The following RBM18 variants were observed in gnomAD, a reference collection of about 807,000 sequenced individuals.
RBM18 encodes the protein RNA binding motif protein 18.
A neutral mutation model predicts 26.4 loss-of-function variants in RBM18; 18 were observed. That is an observed-to-expected ratio of 0.68 (90% confidence interval 0.47 to 1.01). The LOEUF (loss-of-function observed/expected upper bound fraction) is 1.01, where lower values mean the gene tolerates loss of function less well. Among genes scored for constraint, RBM18 ranks in the 50% least tolerant of loss-of-function variants. The pLI is 0.00. For missense variants in RBM18, 180 were observed against 219.2 expected (o/e 0.82, Z 1.13); for synonymous variants, 74 against 81.1 (o/e 0.91, Z 0.47).
At chr9:122,255,675 T>C (rs374124210) in intron 2 of RBM18, among the ~76,000 whole-genome samples, 18 of 152,292 alleles carry the variant, frequency 1.2e-4, no homozygotes, top group African/African-American at 4.3e-4. Flanking sequence ...GTCTCCAAGT[T>C]CACTGTCTCT....
At chr9:122,253,231 G>T (rs1831634456) in intron 2 of RBM18, among the ~76,000 whole-genome samples, 1 of 152,124 alleles carries the variant, frequency 6.6e-6, no homozygotes, top group Non-Finnish European at 1.5e-5. Flanking sequence ...TCCTTTGGGA[G>T]GCAGAAAGAT....
chr9:122,248,566 C>A (rs949292735), intron 3 of RBM18, among the ~76,000 whole-genome samples: 7 of 152,186 alleles, frequency 4.6e-5, no homozygotes, highest in African/African-American at 1.7e-4. Flanking sequence ...AATCTATGCA[C>A]CTGGTTTTCA....
intron 1 of RBM18, among the ~76,000 whole-genome samples, chr9:122,263,534 A>C (rs957753763): frequency 1.5e-4 from 23 of 152,246 alleles, no homozygotes; most frequent in African/African-American, 5.5e-4. Context: ...GCAGTGAACA[A>C]GCAAGGTCCC....
intron 2 of RBM18, among the ~76,000 whole-genome samples, chr9:122,253,270 T>C (rs1468742817): frequency 6.6e-6 from 1 of 152,160 alleles, no homozygotes; most frequent in Non-Finnish European, 1.5e-5. Flanking sequence ...TATACTAAAT[T>C]TGATACTAAT....
chr9:122,243,883 A>T (rs1831463202), intron 5 of RBM18: 1 of 984,678 alleles, frequency 1.0e-6, no homozygotes, highest in Non-Finnish European at 1.2e-6. Flanking sequence ...ATAAAAAAAT[A>T]GATGGAAAAC....
At chr9:122,255,194 T>C (rs925159956) in intron 2 of RBM18, among the ~76,000 whole-genome samples, 1 of 152,230 alleles carries the variant, frequency 6.6e-6, no homozygotes, top group African/African-American at 2.4e-5. Context: ...TACTATGAGA[T>C]GGGTCTTTAT....
rs984395962 is a variant in RBM18 at position 122,239,708 on chromosome 9, A to T, written c.*2176T>A. 3 of 152,268 alleles carry T rather than the reference A, an allele frequency of 2.0e-5. No homozygotes were observed. The highest frequency in any genetic ancestry group is 4.4e-5 in the Non-Finnish European group (3 of 68,046). The allele number at this position is 152,268 out of a possible 1,614,324, so 9.4% of individuals were successfully genotyped here. On this transcript the variant is annotated 3_prime_UTR_variant, in exon 6 of 6. Transcript: ENST00000417201. ...TTCTTCTTTTGAAATCTCTACCACG[A>T]GAGACTAAACACAGTACGATACTTG...
chr9:122,242,113 C>T, intron 5 of RBM18, 70 bp from the exon 6 acceptor site: 2 of 1,452,718 alleles, frequency 1.4e-6, no homozygotes, highest in East Asian at 4.6e-5. Flanking sequence ...CAGTTCCTCT[C>T]CTTGAGCCTC....
rs532804636 is a variant in RBM18 at position 122,243,818 on chromosome 9, C to A, written c.413+1438G>T. ...TTTTGTATAAGTCACAGGGAAGCAACCTTCTCTCATTAGGCATAGATGTTA... is the reference window on the plus strand; with the variant it reads ...TTTTGTATAAGTCACAGGGAAGCAAACTTCTCTCATTAGGCATAGATGTTA... On this transcript the variant is annotated intron_variant, in intron 5 of 5. Coordinates refer to ENST00000417201, the MANE Select transcript of RBM18 (RefSeq NM_033117.4). 6.0e-5 allele frequency: 59 copies of A among 985,090 alleles called. 1 individual carries two copies. In the African/African-American group the frequency reaches 1.0e-3, roughly 17 times the overall value. 61.0% of individuals were successfully genotyped at this position (985,090 alleles called of 1,614,324 possible).
chr9:122,261,315 CTT>C, intron 2 of RBM18, 63 bp downstream of exon 2: 2 of 1,144,176 alleles, frequency 1.7e-6, no homozygotes, highest in Non-Finnish European at 2.7e-6. Context: ...GAAAATTCTT[CTT>C]GACATCATCA....
intron 5 of RBM18, among the ~76,000 whole-genome samples, chr9:122,242,660 A>G (rs538763437): frequency 7.5e-6 from 1 of 133,988 alleles, no homozygotes; most frequent in East Asian, 2.0e-4. Context: ...TTTTACTTAT[A>G]CTGTTTTTTT....
chr9:122,261,104 G>T (rs975222504), intron 2 of RBM18, among the ~76,000 whole-genome samples: 3 of 151,996 alleles, frequency 2.0e-5, no homozygotes, highest in African/African-American at 7.3e-5. Flanking sequence ...TAGGTACAAG[G>T]ATTCAAATAG....
chr9:122,261,429 G>A lies in RBM18; in HGVS notation c.64C>T (p.Gln22Ter). 1 of 1,614,172 alleles carries A rather than the reference G, an allele frequency of 6.2e-7. No individual in the cohort carries two copies. Among genetic ancestry groups the A allele is most frequent in the African/African-American group, 1.3e-5 (1 of 75,052 alleles). Residue 22 changes from glutamine to a stop codon, truncating the protein, a stop_gained, in exon 2 of 6, where the codon CAG becomes TAG. Transcript: ENST00000417201. LOFTEE classifies it high-confidence loss of function. ...CCAATCCATAATCGGTGTCCTTCCT[G>A]CAGAGAGCCCTCTGAAAGGATGGAT... ...NASILSEGSLQEGHRLWIGNL... is the reference protein window; with the variant it reads ...NASILSEGSL
intron 2 of RBM18, among the ~76,000 whole-genome samples, chr9:122,258,281 CTTTTT>C (rs1409416613): frequency 6.6e-6 from 1 of 151,878 alleles, no homozygotes; most frequent in Non-Finnish European, 1.5e-5. Flanking sequence ...TTCTTTCTTT[CTTTTT>C]GAGACAGATT....
chr9:122,245,567 T>C (rs1219853248), intron 4 of RBM18, among the ~76,000 whole-genome samples: 1 of 152,080 alleles, frequency 6.6e-6, no homozygotes, highest in African/African-American at 2.4e-5. Context: ...CCTCCTTATT[T>C]GGTAGGAAAA....
rs192925594 is a variant in RBM18 at position 122,238,153 on chromosome 9, A to G, written c.*3731T>C. ...TCCCCATCTGGACAATGAGGGGGCT[A>G]TATGAGATGGTCTCTTAAGGCCCTT... is the stretch of plus-strand genomic sequence containing the variant. On this transcript the variant is annotated 3_prime_UTR_variant, in exon 6 of 6. Coordinates refer to ENST00000417201, the MANE Select transcript of RBM18 (RefSeq NM_033117.4). 2.6e-5 allele frequency: 4 copies of G among 152,298 alleles called. No homozygotes were observed. In the East Asian group the frequency reaches 7.7e-4, roughly 29 times the overall value. 9.4% of individuals were successfully genotyped at this position (152,298 alleles called of 1,614,324 possible).
intron 5 of RBM18, among the ~76,000 whole-genome samples, chr9:122,242,413 G>A (rs1831435872): frequency 6.6e-6 from 1 of 152,116 alleles, no homozygotes; most frequent in Non-Finnish European, 1.5e-5. Flanking sequence ...TCCTTATTTT[G>A]CAGATGATGT....
intron 2 of RBM18, chr9:122,254,413 TG>T: frequency 2.5e-6 from 1 of 400,330 alleles, no homozygotes; most frequent in Non-Finnish European, 3.4e-6. Context: ...TTCCTGGAGA[TG>T]GGGACTGCAG....
Position 122,246,913 on chromosome 9 carries a change from G to GT in RBM18, c.327+604dup, listed in dbSNP as rs200132831. On this transcript the variant is annotated intron_variant, in intron 4 of 5. Transcript: ENST00000417201. The stretch of plus-strand genomic sequence containing the variant: ...GCTGGAACAGAATGCCATTTGTTTT[G>GT]TTTTTTTTAATGGCTGAAGCTTTTC... 3.5e-3 allele frequency among the ~76,000 whole-genome samples: 525 copies of GT among 151,804 alleles called. 4 individuals are homozygous for GT. Among genetic ancestry groups the GT allele is most frequent in the African/African-American group, 0.012 (480 of 41,412 alleles).
Sources: allele counts gnomAD v4.1 joint callset (sites outside exome capture counted in the v4.1 genomes callset), GRCh38; gene constraint gnomAD v4.1.1; transcripts MANE v1.5; gene names NCBI Gene and HGNC (gene_info 2026-07-23, HGNC 2026-07-21).